DMXL1: variants seen among roughly 807,000 people sequenced by gnomAD.
The protein encoded by DMXL1 is dmX-like protein 1.
DMXL1 carries 99 observed loss-of-function variants against 319.2 expected under a neutral mutation model. That is an observed-to-expected ratio of 0.31 (90% CI 0.26 to 0.37). The LOEUF (loss-of-function observed/expected upper bound fraction) is 0.37, where lower values mean the gene tolerates loss of function less well. Among genes scored for constraint, DMXL1 ranks in the 10% least tolerant of loss-of-function variants. The pLI, the probability that DMXL1 is intolerant of heterozygous loss-of-function variation, is 1.00. For synonymous variants in DMXL1, 1,385 were observed against 1,235.2 expected (o/e 1.12, Z -2.54); for missense variants, 3,745 against 3,595.6 (o/e 1.04, Z -1.06).
chr5:119,124,644 C>T (rs12653377), intron 9 of DMXL1, among the ~76,000 whole-genome samples: 58,173 of 148,162 alleles, frequency 0.39, 13,890 homozygotes, highest in East Asian at 0.95. Context: ...AGGCTCACTG[C>T]AACCTCTGCC....
chr5:119,134,704 T>C (rs192470143), intron 13 of DMXL1, among the ~76,000 whole-genome samples: 68 of 152,320 alleles, frequency 4.5e-4, no homozygotes, highest in African/African-American at 1.0e-3. Flanking sequence ...AATTATTTTA[T>C]AGGCAGGAGG....
intron 19 of DMXL1, among the ~76,000 whole-genome samples, chr5:119,155,113 A>G (rs1274748387): frequency 3.3e-5 from 5 of 152,176 alleles, no homozygotes; most frequent in African/African-American, 1.2e-4. Context: ...TGTTCACGCA[A>G]GAGCTCTGAT....
intron 35 of DMXL1, among the ~76,000 whole-genome samples, chr5:119,219,939 A>G (rs1784368715): frequency 6.7e-6 from 1 of 150,080 alleles, no homozygotes; most frequent in African/African-American, 2.4e-5. Flanking sequence ...TTCATTTGTG[A>G]TCTTTTTCTG....
intron 19 of DMXL1, among the ~76,000 whole-genome samples, chr5:119,153,062 C>A (rs1243864613): frequency 6.6e-6 from 1 of 152,004 alleles, no homozygotes; most frequent in Non-Finnish European, 1.5e-5. Flanking sequence ...CTGCAACCTC[C>A]ATTTCCTGGG....
At chr5:119,141,632 T>C (rs1157320325) in intron 13 of DMXL1, among the ~76,000 whole-genome samples, 1 of 152,166 alleles carries the variant, frequency 6.6e-6, no homozygotes, top group Non-Finnish European at 1.5e-5. Context: ...AAACATCCTA[T>C]GTTGATGGAT....
chr5:119,207,735 T>A lies in DMXL1; in HGVS notation c.7926+839T>A, dbSNP rs578047824. ...TGAGGTTTTGCCATGTTGGCCAGGC[T>A]GATGTCAAACTCCTGACCTCAGGTG... On this transcript the variant is annotated intron_variant, in intron 34 of 43. Transcript: ENST00000539542. 1.7e-3 allele frequency among the ~76,000 whole-genome samples: 259 copies of A among 152,284 alleles called. 1 individual carries two copies. The highest frequency in any genetic ancestry group is 5.8e-3 in the South Asian group (28 of 4,820).
At chr5:119,207,016 AATT>A (rs1414568073) in intron 34 of DMXL1, 120 bp downstream of exon 34, 2 of 566,898 alleles carry the variant, frequency 3.5e-6, no homozygotes, top group African/African-American at 3.9e-5. Context: ...TGTTCCCTCA[AATT>A]ATTCTCCTTT....
chr5:119,084,906 G>C (rs970426139), intron 1 of DMXL1, among the ~76,000 whole-genome samples: 2 of 151,374 alleles, frequency 1.3e-5, no homozygotes, highest in Admixed American at 6.6e-5. Flanking sequence ...CTTCTGTGTG[G>C]TCATTTTAAC....
At chr5:119,075,241 C>CT (rs201088042) in intron 1 of DMXL1, among the ~76,000 whole-genome samples, 216 of 122,636 alleles carry the variant, frequency 1.8e-3, no homozygotes, top group African/African-American at 2.2e-3. Context: ...CTTTTTTTTT[C>CT]TTTTTTTTTT....
At chr5:119,129,062 A>C (rs1561663105) in intron 9 of DMXL1, 149 bp from the exon 10 acceptor site, 2 of 612,066 alleles carry the variant, frequency 3.3e-6, no homozygotes, top group Non-Finnish European at 5.4e-6. Flanking sequence ...GTCTCAAAAA[A>C]ACAAAATCTC....
chr5:119,172,672 A>G (rs577068049), intron 25 of DMXL1, among the ~76,000 whole-genome samples: 75 of 152,298 alleles, frequency 4.9e-4, no homozygotes, highest in African/African-American at 1.3e-3. Context: ...TTTACTTTTC[A>G]GACATATTGA....
At chr5:119,196,869 A>G (rs1428300325) in intron 31 of DMXL1, among the ~76,000 whole-genome samples, 1 of 152,232 alleles carries the variant, frequency 6.6e-6, no homozygotes, top group African/African-American at 2.4e-5. Flanking sequence ...TTCCCTATAT[A>G]TGATAAGGTA....
intron 28 of DMXL1, chr5:119,178,543 C>A: frequency 1.1e-6 from 1 of 907,956 alleles, no homozygotes; most frequent in Non-Finnish European, 1.3e-6. Context: ...TGTTCTATCC[C>A]AAATACGGAT....
intron 22 of DMXL1, among the ~76,000 whole-genome samples, chr5:119,167,336 A>C (rs890984904): frequency 6.6e-6 from 1 of 152,110 alleles, no homozygotes; most frequent in African/African-American, 2.4e-5. Flanking sequence ...GACGTCATTT[A>C]AATTATCCAT....
chr5:119,081,480 C>T, intron 1 of DMXL1: 1 of 760,862 alleles, frequency 1.3e-6, no homozygotes, highest in Non-Finnish European at 1.6e-6. Context: ...TGTGTAAAAA[C>T]TGCTTGAGAA....
At chr5:119,219,216 A>G (rs1784223729) in intron 35 of DMXL1, among the ~76,000 whole-genome samples, 1 of 152,170 alleles carries the variant, frequency 6.6e-6, no homozygotes, top group Non-Finnish European at 1.5e-5. Flanking sequence ...GTTATATTAC[A>G]GGAGAGGATC....
chr5:119,101,821 G>T, intron 2 of DMXL1, 114 bp from the exon 3 acceptor site: 1 of 699,804 alleles, frequency 1.4e-6, no homozygotes, highest in Non-Finnish European at 2.4e-6. Flanking sequence ...AAGCATCAGT[G>T]AATGAAATTG....
intron 28 of DMXL1, among the ~76,000 whole-genome samples, chr5:119,185,495 T>G (rs1418862198): frequency 6.6e-6 from 1 of 151,974 alleles, no homozygotes; most frequent in Non-Finnish European, 1.5e-5. Flanking sequence ...CTTCCAGACT[T>G]TTTTTGTTTG....
intron 37 of DMXL1, among the ~76,000 whole-genome samples, chr5:119,223,752 T>C (rs1452784760): frequency 6.6e-6 from 1 of 152,164 alleles, no homozygotes; most frequent in African/African-American, 2.4e-5. Flanking sequence ...TTTGTATATT[T>C]TTTTTACGTA....
Sources: gnomAD v4.1 joint callset for allele counts (sites outside exome capture counted in the v4.1 genomes callset) on GRCh38, gnomAD v4.1.1 for gene constraint, MANE v1.5 for transcripts, NCBI Gene and HGNC (gene_info 2026-07-23, HGNC 2026-07-21) for gene names.